ENOX1: variants seen among roughly 807,000 people sequenced by gnomAD.
ENOX1 encodes ecto-NOX disulfide-thiol exchanger 1.
In ENOX1, 42 loss-of-function variants were observed where a neutral mutation model predicts 82.5. That is an observed-to-expected ratio of 0.51 (90% CI 0.40 to 0.66). ENOX1 has a LOEUF of 0.66. ENOX1 is among the 30% of genes least tolerant of loss of function. The pLI is 0.00. For missense variants in ENOX1, 608 were observed against 811.6 expected (o/e 0.75, Z 3.05); for synonymous variants, 271 against 282.2 (o/e 0.96, Z 0.40).
chr13:43,609,347 T>C (rs2153736336), intron 2 of ENOX1, among the ~76,000 whole-genome samples: 1 of 152,366 alleles, frequency 6.6e-6, no homozygotes, highest in South Asian at 2.1e-4. Context: ...CTTTTTTATT[T>C]TCATAAATTT....
At chr13:43,385,522 TA>T (rs1351224511) in intron 5 of ENOX1, among the ~76,000 whole-genome samples, 2 of 152,302 alleles carry the variant, frequency 1.3e-5, no homozygotes, top group East Asian at 3.9e-4. Flanking sequence ...AAAAACAAGA[TA>T]TTTTTCACAC....
chr13:43,460,377 CAA>C (rs987291327), intron 3 of ENOX1, among the ~76,000 whole-genome samples: 1 of 152,102 alleles, frequency 6.6e-6, no homozygotes, highest in African/African-American at 2.4e-5. Context: ...CACTTCCTCT[CAA>C]GAGGAAATTT....
chr13:43,554,924 T>C (rs1005659894), intron 2 of ENOX1, among the ~76,000 whole-genome samples: 19 of 152,204 alleles, frequency 1.2e-4, no homozygotes, highest in Admixed American at 5.9e-4. Context: ...TCTTAAACTC[T>C]TAAGCAATGT....
intron 1 of ENOX1, among the ~76,000 whole-genome samples, chr13:43,776,761 TTGAGCACAA>T (rs1037470804): frequency 9.9e-5 from 15 of 152,100 alleles, no homozygotes; most frequent in Non-Finnish European, 1.5e-4. Context: ...AGAAGGTCTG[TTGAGCACAA>T]GCTGTGCTAC....
chr13:43,602,437 GA>G (rs1212742679), intron 2 of ENOX1, among the ~76,000 whole-genome samples: 2 of 152,036 alleles, frequency 1.3e-5, no homozygotes, highest in Non-Finnish European at 2.9e-5. Flanking sequence ...GTGATCAAAT[GA>G]AAATTTCAAT....
At chr13:43,539,960 A>G (rs1411010919) in intron 2 of ENOX1, among the ~76,000 whole-genome samples, 1 of 152,162 alleles carries the variant, frequency 6.6e-6, no homozygotes, top group African/African-American at 2.4e-5. Context: ...TAGTGTAGCT[A>G]CCATCACCCT....
In ENOX1 at chr13:43,269,539, CTT is replaced by C. The variant is rs1230633165; in HGVS notation, c.1483_1484del (p.Lys495ValfsTer39). On this transcript the variant is annotated frameshift_variant, in exon 13 of 17. Transcript: ENST00000690772. LOFTEE classifies it high-confidence loss of function. ...CTTCCTTTGCTTGTTCCAATTCTGA[CTT>C]TTTGTTGTTTAACTCCTCCTGGATG... ...LTIQEELNNK[K>X]SELEQAKEEQ... 1 of 1,613,900 alleles carries C rather than the reference CTT, an allele frequency of 6.2e-7. No individual in the cohort carries two copies. Among genetic ancestry groups the C allele is most frequent in the East Asian group, 2.2e-5 (1 of 44,876 alleles).
intron 2 of ENOX1, among the ~76,000 whole-genome samples, chr13:43,627,596 A>C (rs1011748564): frequency 7.2e-5 from 11 of 152,058 alleles, no homozygotes; most frequent in African/African-American, 2.7e-4. Context: ...TACAACCTAC[A>C]TCAGACAGGG....
chr13:43,502,160 C>A (rs2077003430), intron 2 of ENOX1, among the ~76,000 whole-genome samples: 1 of 151,426 alleles, frequency 6.6e-6, no homozygotes, highest in Non-Finnish European at 1.5e-5. Context: ...CAGGACCTAC[C>A]ACACTGAATC....
At chr13:43,543,121 G>A (rs2153695311) in intron 2 of ENOX1, among the ~76,000 whole-genome samples, 1 of 152,232 alleles carries the variant, frequency 6.6e-6, no homozygotes, top group South Asian at 2.1e-4. Flanking sequence ...GAGTATGTAT[G>A]TTACACATGG....
At chr13:43,453,120 G>T (rs1355815254) in intron 3 of ENOX1, among the ~76,000 whole-genome samples, 1 of 152,100 alleles carries the variant, frequency 6.6e-6, no homozygotes, top group Non-Finnish European at 1.5e-5. Flanking sequence ...TCATGACAGG[G>T]TTTCCATTTT....
At chr13:43,276,915 G>A (rs1157202483) in intron 12 of ENOX1, among the ~76,000 whole-genome samples, 2 of 152,174 alleles carry the variant, frequency 1.3e-5, no homozygotes, top group African/African-American at 2.4e-5. Flanking sequence ...AGTTTAAAAC[G>A]TCATCTGCTT....
chr13:43,416,727 C>T (rs1322350830), intron 3 of ENOX1, among the ~76,000 whole-genome samples: 1 of 146,770 alleles, frequency 6.8e-6, no homozygotes. Flanking sequence ...ACTTCCCAGA[C>T]AGGGCGGCCG....
intron 1 of ENOX1, among the ~76,000 whole-genome samples, chr13:43,737,532 A>G (rs2089691874): frequency 6.6e-6 from 1 of 152,194 alleles, no homozygotes; most frequent in African/African-American, 2.4e-5. Context: ...ACTATACCAA[A>G]TAGATGGGAA....
intron 2 of ENOX1, among the ~76,000 whole-genome samples, chr13:43,519,173 TA>T (rs1324519950): frequency 6.6e-6 from 1 of 152,142 alleles, no homozygotes; most frequent in African/African-American, 2.4e-5. Context: ...AAAGTTTCCC[TA>T]AGAGGTATTG....
At chr13:43,770,733 G>T (rs1040216259) in intron 1 of ENOX1, among the ~76,000 whole-genome samples, 3 of 150,570 alleles carry the variant, frequency 2.0e-5, no homozygotes, top group African/African-American at 7.3e-5. Context: ...AGACTCAAGA[G>T]ATATGCCTGG....
Position 43,449,460 on chromosome 13 carries a change from G to A in ENOX1, c.-75+34549C>T, listed in dbSNP as rs2056837643. Among the ~76,000 whole-genome samples, 4 of 152,176 alleles carry A rather than the reference G, an allele frequency of 2.6e-5. No individual in the cohort carries two copies. In the South Asian group the frequency reaches 8.3e-4, roughly 32 times the overall value. ...GTTTCTTTTTAAGGTAATAATAAAT[G>A]GGCGTATTTCTTATGGAAACAAAAC... On this transcript the variant is annotated intron_variant, in intron 3 of 16. Transcript: ENST00000690772.
chr13:43,528,546 T>A (rs1014869682), intron 2 of ENOX1, among the ~76,000 whole-genome samples: 1 of 152,118 alleles, frequency 6.6e-6, no homozygotes, highest in Non-Finnish European at 1.5e-5. Flanking sequence ...TATCTTAATA[T>A]AAAATTTCAA....
chr13:43,627,738 C>T (rs2083027939), intron 2 of ENOX1, among the ~76,000 whole-genome samples: 1 of 151,930 alleles, frequency 6.6e-6, no homozygotes, highest in Non-Finnish European at 1.5e-5. Context: ...CCCAGAGTCC[C>T]TTCTTTTATT....
Sources: gnomAD v4.1 joint callset for allele counts (sites outside exome capture counted in the v4.1 genomes callset) on GRCh38, gnomAD v4.1.1 for gene constraint, MANE v1.5 for transcripts, NCBI Gene and HGNC (gene_info 2026-07-23, HGNC 2026-07-21) for gene names.